Variants in MSRA observed in about 807,000 individuals in gnomAD.
MSRA encodes mitochondrial peptide methionine sulfoxide reductase.
MSRA carries 54 observed loss-of-function variants against 31.3 expected under a neutral mutation model. That is an observed-to-expected ratio of 1.73 (90% CI 1.39 to 2.17). MSRA has a LOEUF of 2.17. Among genes scored for constraint, MSRA ranks in the 30% most tolerant of loss-of-function variants. The pLI is 0.00. For missense variants in MSRA, 507 were observed against 300.9 expected, an observed-to-expected ratio of 1.69 and a Z score of -5.07; for synonymous variants, 169 against 116.5, an observed-to-expected ratio of 1.45 and a Z score of -2.90.
chr8:10,133,412 A>G (rs141865391), intron 1 of MSRA, among the ~76,000 whole-genome samples: 1 of 152,288 alleles, frequency 6.6e-6, no homozygotes, highest in African/African-American at 2.4e-5. Flanking sequence ...TGCTTGGCTA[A>G]CGCCTCAGTG....
At chr8:10,371,569 T>A (rs907311501) in intron 5 of MSRA, among the ~76,000 whole-genome samples, 40 of 152,050 alleles carry the variant, frequency 2.6e-4, no homozygotes, top group Non-Finnish European at 1.0e-4. Context: ...AGAAGAGACA[T>A]TGGTCATCAA....
At chr8:10,096,293 C>T in intron 1 of MSRA, 1 of 1,131,980 alleles carries the variant, frequency 8.8e-7, no homozygotes, top group Non-Finnish European at 1.1e-6. Flanking sequence ...AGACACCAGA[C>T]TTCGCTTGAA....
chr8:10,345,736 GGT>G (rs1475589548), intron 5 of MSRA, among the ~76,000 whole-genome samples: 1 of 152,086 alleles, frequency 6.6e-6, no homozygotes, highest in Non-Finnish European at 1.5e-5. Flanking sequence ...TTTCTTTTCT[GGT>G]GTTTTAAGCT....
intron 1 of MSRA, among the ~76,000 whole-genome samples, chr8:10,164,984 T>A (rs567373019): frequency 2.6e-5 from 4 of 152,124 alleles, no homozygotes; most frequent in African/African-American, 9.7e-5. Flanking sequence ...GCCACGATCA[T>A]GCCACTGCAC....
chr8:10,182,647 GATC>G (rs1207282014), intron 1 of MSRA, among the ~76,000 whole-genome samples: 1 of 152,182 alleles, frequency 6.6e-6, no homozygotes, highest in African/African-American at 2.4e-5. Context: ...TGCGGTGTGT[GATC>G]ATCACATCAT....
intron 1 of MSRA, among the ~76,000 whole-genome samples, chr8:10,203,015 G>A (rs975394308): frequency 1.3e-5 from 2 of 151,944 alleles, no homozygotes; most frequent in Non-Finnish European, 1.5e-5. Flanking sequence ...TGTTGTGCCT[G>A]CGGTCCACAG....
chr8:10,336,846 C>T (rs1220117253), intron 5 of MSRA: 1 of 152,176 alleles, frequency 6.6e-6, no homozygotes, highest in Admixed American at 6.5e-5. Flanking sequence ...TGTCTAGACC[C>T]AACGTTTGCT....
At chr8:10,276,986 G>A (rs1799353846) in intron 3 of MSRA, among the ~76,000 whole-genome samples, 1 of 151,976 alleles carries the variant, frequency 6.6e-6, no homozygotes, top group Admixed American at 6.6e-5. Flanking sequence ...TTTTCTCTGT[G>A]TAATTGAATG....
chr8:10,299,318 T>A (rs1048015738), intron 3 of MSRA, among the ~76,000 whole-genome samples: 2 of 152,170 alleles, frequency 1.3e-5, no homozygotes, highest in East Asian at 3.9e-4. Context: ...CCATTTTTAA[T>A]ATTCAGAGAT....
intron 5 of MSRA, among the ~76,000 whole-genome samples, chr8:10,356,832 C>T (rs947817170): frequency 6.6e-6 from 1 of 150,852 alleles, no homozygotes; most frequent in Middle Eastern, 3.2e-3. Flanking sequence ...TTACGGCAGC[C>T]CGAACAGATC....
chr8:10,220,683 G>C (rs965516369), intron 2 of MSRA, among the ~76,000 whole-genome samples: 1 of 152,098 alleles, frequency 6.6e-6, no homozygotes, highest in Non-Finnish European at 1.5e-5. Context: ...GTTTCTAGTG[G>C]GAGCCTGCGT....
At chr8:10,212,155 C>A (rs931616339) in intron 2 of MSRA, among the ~76,000 whole-genome samples, 34 of 151,600 alleles carry the variant, frequency 2.2e-4, no homozygotes, top group African/African-American at 8.2e-4. Context: ...CCACTGCACT[C>A]CAGCCTAGGT....
chr8:10,096,931 G>T (rs1042250992), intron 1 of MSRA, among the ~76,000 whole-genome samples: 3 of 152,118 alleles, frequency 2.0e-5, no homozygotes, highest in African/African-American at 7.2e-5. Context: ...TATGCCGAAA[G>T]AATACAGGAA....
intron 1 of MSRA, among the ~76,000 whole-genome samples, chr8:10,158,485 T>C (rs1363441222): frequency 6.6e-6 from 1 of 152,238 alleles, no homozygotes; most frequent in African/African-American, 2.4e-5. Flanking sequence ...ATGTGGCCTA[T>C]TGGCTTCTTT....
At position 10,127,599 on chromosome 8, in the gene MSRA, A is replaced by G. The variant is rs114017357; in HGVS notation, c.142+72941A>G. On this transcript the variant is annotated intron_variant, in intron 1 of 5. Transcript: ENST00000317173. ...GGAGGATGATACATTAATGTTTTCC[A>G]GAGATCCTTCCTGTAGCTTACTATT... Among the ~76,000 whole-genome samples, 1,210 of 152,356 alleles carry G rather than the reference A, an allele frequency of 7.9e-3. 14 individuals are homozygous for G. Among genetic ancestry groups the G allele is most frequent in the African/African-American group, 0.026 (1,089 of 41,586 alleles).
At chr8:10,184,705 C>G (rs1009769040) in intron 1 of MSRA, among the ~76,000 whole-genome samples, 1 of 152,064 alleles carries the variant, frequency 6.6e-6, no homozygotes, top group African/African-American at 2.4e-5. Context: ...CTTGTGTAGA[C>G]AGGTAGAGCA....
intron 3 of MSRA, among the ~76,000 whole-genome samples, chr8:10,253,643 GT>G (rs1288466610): frequency 1.3e-5 from 2 of 152,164 alleles, no homozygotes; most frequent in Non-Finnish European, 2.9e-5. Flanking sequence ...ATAGCAAGCA[GT>G]TTTTAAAACA....
intron 1 of MSRA, among the ~76,000 whole-genome samples, chr8:10,194,754 T>G (rs1563204405): frequency 6.6e-6 from 1 of 152,170 alleles, no homozygotes; most frequent in Non-Finnish European, 1.5e-5. Flanking sequence ...GGATGCAGTT[T>G]AAGCATGAGG....
chr8:10,407,902 A>G (rs1312906426), intron 5 of MSRA, among the ~76,000 whole-genome samples: 1 of 152,342 alleles, frequency 6.6e-6, no homozygotes, highest in East Asian at 1.9e-4. Context: ...TGAGAATTTC[A>G]TTAAGGATCA....
Sources: gnomAD v4.1 joint callset for allele counts (sites outside exome capture counted in the v4.1 genomes callset) on GRCh38, gnomAD v4.1.1 for gene constraint, MANE v1.5 for transcripts, NCBI Gene and HGNC (gene_info 2026-07-23, HGNC 2026-07-21) for gene names.